Variants in RSBN1 observed in about 807,000 individuals in gnomAD.
RSBN1 encodes the protein lysine-specific demethylase 9.
RSBN1 carries 23 observed loss-of-function variants against 74.8 expected under a neutral mutation model. That is an observed-to-expected ratio of 0.31 (90% CI 0.22 to 0.44). RSBN1 has a LOEUF of 0.44. Ranked by LOEUF, RSBN1 falls within the 20% of genes least tolerant of loss-of-function variation. The probability of loss-of-function intolerance (pLI) is 1.00; values close to 1 mark genes in which losing one functional copy is unlikely to be tolerated. For missense variants in RSBN1, 808 were observed against 1,020.9 expected (o/e 0.79, Z 2.84); for synonymous variants, 407 against 379.6 (o/e 1.07, Z -0.84).
At chr1:113,785,511 T>C (rs138127794) in intron 2 of RSBN1, among the ~76,000 whole-genome samples, 1 of 152,326 alleles carries the variant, frequency 6.6e-6, no homozygotes, top group African/African-American at 2.4e-5. Flanking sequence ...CGTCACTACA[T>C]AGCACATAAA....
rs757987908 is a variant in RSBN1, at chr1:113,766,311, C to G, written c.2078G>C (p.Cys693Ser). 1.2e-6 allele frequency: 2 copies of G among 1,614,106 alleles called. No homozygotes were observed. Among genetic ancestry groups the G allele is most frequent in the Non-Finnish European group, 1.7e-6 (2 of 1,179,976 alleles). Residue 693 changes from cysteine to serine, a missense_variant, in exon 7 of 7, where the codon TGC (cysteine) becomes TCC (serine). Cys to Ser is a moderately radical substitution (Grantham distance 112). Coordinates refer to ENST00000261441, the MANE Select transcript of RSBN1 (RefSeq NM_018364.5). The stretch of plus-strand genomic sequence containing the variant: ...AAGCCTTATATGCCAGGCTAAGCTG[C>G]ACACCGCCGAAACTGTTTTGAACTG... ...IHQFKTVSAV[C>S]SLAWHIRLKQ...
At chr1:113,774,517 A>T (rs1180799591) in intron 4 of RSBN1, among the ~76,000 whole-genome samples, 2 of 147,690 alleles carry the variant, frequency 1.4e-5, no homozygotes, top group Admixed American at 6.8e-5. Context: ...TACTAAAAAT[A>T]AAAAAAAAAA....
intron 4 of RSBN1, among the ~76,000 whole-genome samples, chr1:113,776,216 G>A (rs1660021877): frequency 6.6e-6 from 1 of 152,112 alleles, no homozygotes; most frequent in Non-Finnish European, 1.5e-5. Flanking sequence ...TATGTCATGA[G>A]GACAAAGATG....
At chr1:113,804,017 T>G (rs1382681089) in intron 1 of RSBN1, among the ~76,000 whole-genome samples, 2 of 151,704 alleles carry the variant, frequency 1.3e-5, no homozygotes, top group Non-Finnish European at 1.5e-5. Context: ...TGAGCTAGGC[T>G]TAGCTACAGG....
intron 2 of RSBN1, among the ~76,000 whole-genome samples, chr1:113,786,808 T>TA (rs896698637): frequency 6.6e-5 from 10 of 152,018 alleles, no homozygotes; most frequent in South Asian, 4.1e-4. Context: ...CTATCTCTAC[T>TA]AAAAAAATAC....
At chr1:113,786,682 G>GT (rs534505286) in intron 2 of RSBN1, among the ~76,000 whole-genome samples, 132 of 152,230 alleles carry the variant, frequency 8.7e-4, no homozygotes, top group Non-Finnish European at 1.6e-3. Flanking sequence ...TTAAGCCATT[G>GT]TTTGGGGGCC....
chr1:113,803,929 C>T (rs1318219254), intron 1 of RSBN1, among the ~76,000 whole-genome samples: 1 of 148,414 alleles, frequency 6.7e-6, no homozygotes, highest in Non-Finnish European at 1.5e-5. Context: ...ACAGCAGGAC[C>T]CCATTTTTAC....
At chr1:113,785,090 C>T (rs903887134) in intron 2 of RSBN1, among the ~76,000 whole-genome samples, 58 of 152,122 alleles carry the variant, frequency 3.8e-4, no homozygotes, top group African/African-American at 1.3e-3. Flanking sequence ...ACTTTCTTTA[C>T]GTCCTTATTC....
intron 2 of RSBN1, among the ~76,000 whole-genome samples, chr1:113,793,964 G>A (rs2101815409): frequency 6.6e-6 from 1 of 152,210 alleles, no homozygotes. Flanking sequence ...ACCATGCCCA[G>A]CCTCCTAACA....
chr1:113,811,381 G>A (rs1660840579), intron 1 of RSBN1, among the ~76,000 whole-genome samples: 1 of 152,146 alleles, frequency 6.6e-6, no homozygotes, highest in Admixed American at 6.5e-5. Flanking sequence ...TTAGGAACAT[G>A]CCTTTTCTTT....
chr1:113,811,358 A>G (rs1031292140), intron 1 of RSBN1, among the ~76,000 whole-genome samples: 2 of 152,156 alleles, frequency 1.3e-5, no homozygotes, highest in Admixed American at 6.5e-5. Context: ...AAGCAAAACA[A>G]GGAGAAGGGA....
rs773379747 is a variant in RSBN1 at position 113,776,048 on chromosome 1, T to A, written c.1658+1162A>T. 2.0e-4 allele frequency among the ~76,000 whole-genome samples: 30 copies of A among 152,306 alleles called. 1 individual carries two copies. The highest frequency in any genetic ancestry group is 3.7e-4 in the Non-Finnish European group (25 of 68,038). ...CTAAGCAGGTATAGATCATTTTCAG[T>A]CTCATTAAATTAGATTTTTCAAAGT... On this transcript the variant is annotated intron_variant, in intron 4 of 6. Transcript: ENST00000261441.
At chr1:113,805,554 T>C (rs758431236) in intron 1 of RSBN1, among the ~76,000 whole-genome samples, 1 of 152,186 alleles carries the variant, frequency 6.6e-6, no homozygotes, top group Non-Finnish European at 1.5e-5. Context: ...AGAGGTCAAC[T>C]GGGCCATGAG....
At chr1:113,774,586 A>G (rs527562024) in intron 4 of RSBN1, among the ~76,000 whole-genome samples, 2 of 151,886 alleles carry the variant, frequency 1.3e-5, no homozygotes, top group East Asian at 1.9e-4. Flanking sequence ...CTGAAGCAGG[A>G]GAATGGTGTG....
intron 4 of RSBN1, among the ~76,000 whole-genome samples, chr1:113,775,421 G>A (rs940172755): frequency 2.0e-5 from 3 of 151,446 alleles, no homozygotes; most frequent in Admixed American, 6.6e-5. Flanking sequence ...AGCTCACTGC[G>A]ACCTCGGCCT....
rs992927610 is a variant in RSBN1, at chr1:113,797,784, C to T, written c.956G>A (p.Arg319Gln). 19 of 1,613,964 alleles carry T rather than the reference C, an allele frequency of 1.2e-5. No individual in the cohort carries two copies. The highest frequency in any genetic ancestry group is 4.5e-5 in the East Asian group (2 of 44,888). The change falls in exon 2 of 7, where the codon CGA becomes CAA. Residue 319 changes from arginine to glutamine, a missense_variant. Arg to Gln is a conservative substitution (Grantham distance 43). This residue lies in a region of RSBN1 where 85 missense variants were observed against 126.2 expected (regional missense o/e 0.67). Transcript: ENST00000261441. ...ATATTCTTGCATACCCAAATTTAAT[C>T]GGCACAGCTGTTCATCTTTCAGATA... ...FRYLKDEQLC[R>Q]LNLGMQEYRV...
At chr1:113,810,865 T>C (rs1334483315) in intron 1 of RSBN1, among the ~76,000 whole-genome samples, 1 of 152,194 alleles carries the variant, frequency 6.6e-6, no homozygotes, top group Non-Finnish European at 1.5e-5. Flanking sequence ...TATAAATAAA[T>C]GCTACAGGTA....
At position 113,797,693 on chromosome 1, in the gene RSBN1, G is replaced by A. The variant is rs60854491; in HGVS notation, c.1047C>T (p.Phe349=). The A allele has an allele frequency of 1.9e-6, 3 of 1,614,102 alleles. No homozygotes were observed. Among genetic ancestry groups the A allele is most frequent in the Non-Finnish European group, 2.5e-6 (3 of 1,179,990 alleles). Residue 349 remains phenylalanine (F), a synonymous_variant, in exon 2 of 7, where the codon TTC becomes TTT. Coordinates refer to ENST00000261441, the MANE Select transcript of RSBN1 (RefSeq NM_018364.5). ...THQEHSIRRN[F]LKTGTKFSNF... ...TGCTAAATTTAGTACCTGTTTTTAA[G>A]AAATTTCTACGAATAGAATGTTCCT...
chr1:113,784,786 G>C (rs922363895), intron 2 of RSBN1, among the ~76,000 whole-genome samples: 18 of 152,142 alleles, frequency 1.2e-4, no homozygotes, highest in Non-Finnish European at 1.5e-4. Flanking sequence ...AAACACAATG[G>C]TAAGTTTTTA....
Sources: allele counts gnomAD v4.1 joint callset (sites outside exome capture counted in the v4.1 genomes callset), GRCh38; gene constraint gnomAD v4.1.1; regional missense constraint gnomAD v4.1.1; transcripts MANE v1.5; gene names NCBI Gene and HGNC (gene_info 2026-07-23, HGNC 2026-07-21).